Variants in ATOH8 observed in about 807,000 individuals in gnomAD.
ATOH8 encodes the protein atonal bHLH transcription factor 8.
In ATOH8, 9 loss-of-function variants were observed where a neutral mutation model predicts 21.2. The ratio of observed to expected loss-of-function variants is 0.42; its 90% CI spans 0.26 to 0.74. The LOEUF (loss-of-function observed/expected upper bound fraction) is 0.74, where lower values mean the gene tolerates loss of function less well. Ranked by LOEUF, ATOH8 falls within the 30% of genes least tolerant of loss-of-function variation. The pLI is 0.24. For missense variants in ATOH8, 524 were observed against 470.9 expected (o/e 1.11, Z -1.04); for synonymous variants, 253 against 224.0 (o/e 1.13, Z -1.16).
intron 1 of ATOH8, 67 bp from the exon 2 acceptor site, chr2:85,763,924 C>T (rs775206570): frequency 5.8e-5 from 86 of 1,489,318 alleles, no homozygotes; most frequent in South Asian, 1.7e-4. Context: ...ATAGACAGGC[C>T]GTCTCCCATG....
At chr2:85,756,979 G>T (rs1679722240) in intron 1 of ATOH8, among the ~76,000 whole-genome samples, 1 of 152,216 alleles carries the variant, frequency 6.6e-6, no homozygotes, top group Non-Finnish European at 1.5e-5. Context: ...CAAGTTCAGT[G>T]TATCTAAGTA....
At chr2:85,760,673 G>A (rs1301059336) in intron 1 of ATOH8, 2 of 152,224 alleles carry the variant, frequency 1.3e-5, no homozygotes, top group Admixed American at 6.5e-5. Flanking sequence ...GATGAATACA[G>A]ACATTGTATT....
rs368693659 is a variant in ATOH8 at position 85,754,695 on chromosome 2, C to G, written c.506C>G (p.Pro169Arg). ...PPARPAPSAP[P>R]APPAPPESTV... ...GCGCGCCCCGCGCCGTCAGCACCCC[C>G]AGCACCGCCAGCGCCCCCGGAGTCC... Residue 169 changes from proline (P) to arginine (R), a missense_variant, in exon 1 of 3, where the codon CCA becomes CGA. Pro to Arg is a moderately radical substitution (Grantham distance 103). Transcript: ENST00000306279. 94 of 1,605,616 alleles carry G rather than the reference C, an allele frequency of 5.9e-5. No individual in the cohort carries two copies. The highest frequency in any genetic ancestry group is 3.3e-4 in the Middle Eastern group (2 of 6,064).
rs997705224 is a variant in ATOH8, at chr2:85,787,062, C to T, written c.*172C>T. 14 of 776,020 alleles carry T rather than the reference C, an allele frequency of 1.8e-5. No homozygotes were observed. The highest frequency in any genetic ancestry group is 1.3e-4 in the Admixed American group (5 of 38,946). 48.1% of individuals were successfully genotyped at this position (776,020 alleles called of 1,614,324 possible). A position where few individuals can be genotyped will look rare whatever the true frequency, so the allele number is the denominator to read the frequency against. On this transcript the variant is annotated 3_prime_UTR_variant, in exon 3 of 3. Coordinates refer to ENST00000306279, the MANE Select transcript of ATOH8 (RefSeq NM_032827.7). The stretch of plus-strand genomic sequence containing the variant: ...AGCACGCCTGCCTCCCTCTCCCCTC[C>T]GCCCTCACCCAGCCAATCCGAGGCT...
At chr2:85,755,256 TG>T (rs1185573265) in intron 1 of ATOH8, among the ~76,000 whole-genome samples, 5 of 152,156 alleles carry the variant, frequency 3.3e-5, no homozygotes, top group African/African-American at 1.2e-4. Context: ...AGCGAGTATT[TG>T]CCTGCCGGAG....
Position 85,754,037 on chromosome 2 carries a change from C to T in ATOH8, c.-153C>T, listed in dbSNP as rs1328280299. The T allele has an allele frequency of 3.1e-6, 3 of 968,646 alleles. No homozygotes were observed. Among genetic ancestry groups the T allele is most frequent in the South Asian group, 4.2e-5 (2 of 47,856 alleles). The allele number at this position is 968,646 out of a possible 1,614,324, so 60.0% of individuals were successfully genotyped here. A position where few individuals can be genotyped will look rare whatever the true frequency, so the allele number is the denominator to read the frequency against. ...GGGAACGGACAGCCCGGCGGCTTCC[C>T]GAAGCCGGCGGCGCAGCTGCCCGGG... On this transcript the variant is annotated 5_prime_UTR_variant, in exon 1 of 3. Coordinates refer to ENST00000306279, the MANE Select transcript of ATOH8 (RefSeq NM_032827.7).
intron 1 of ATOH8, among the ~76,000 whole-genome samples, chr2:85,758,218 T>G (rs1444019279): frequency 1.3e-5 from 2 of 152,260 alleles, no homozygotes; most frequent in African/African-American, 2.4e-5. Context: ...ACATGCTTAC[T>G]TTGTGCCAGG....
chr2:85,781,895 ATAAAAATAAAAAT>A, intron 2 of ATOH8, among the ~76,000 whole-genome samples: 1 of 151,652 alleles, frequency 6.6e-6, no homozygotes, highest in Non-Finnish European at 1.5e-5. Flanking sequence ...TAAAAAATAA[ATAAAAATAAAAAT>A]AAAAAAGATG....
chr2:85,775,226 T>C, intron 2 of ATOH8: 1 of 985,320 alleles, frequency 1.0e-6, no homozygotes, highest in Non-Finnish European at 1.2e-6. Context: ...GTGAGCCCCT[T>C]TCTCTTTGTG....
chr2:85,755,347 G>A (rs997202297), intron 1 of ATOH8, among the ~76,000 whole-genome samples: 6 of 152,186 alleles, frequency 3.9e-5, no homozygotes, highest in African/African-American at 1.4e-4. Flanking sequence ...TCTCCAGTTG[G>A]TGGTGGCAAG....
intron 2 of ATOH8, among the ~76,000 whole-genome samples, chr2:85,770,018 G>T (rs1349134336): frequency 6.6e-6 from 1 of 152,206 alleles, no homozygotes; most frequent in Admixed American, 6.5e-5. Context: ...ACTTCTCAGG[G>T]CATTTCACAG....
Position 85,764,253 on chromosome 2 carries a change from C to A in ATOH8, c.960+71C>A, listed in dbSNP as rs972948079. The stretch of plus-strand genomic sequence containing the variant: ...AGGCAGGGACAGGAACTTGGGGGTG[C>A]CCTGCCTATGCCCAGAATTCTGAAG... On this transcript the variant is annotated intron_variant, in intron 2 of 2. Transcript: ENST00000306279. 4.4e-6 allele frequency: 7 copies of A among 1,575,794 alleles called. No individual in the cohort carries two copies. In the East Asian group the frequency reaches 6.7e-5, roughly 15 times the overall value.
intron 1 of ATOH8, among the ~76,000 whole-genome samples, chr2:85,759,328 C>A (rs1265768832): frequency 1.3e-5 from 2 of 152,176 alleles, no homozygotes; most frequent in African/African-American, 4.8e-5. Context: ...GTGACAGAGG[C>A]CTTCCTCCTG....
At chr2:85,756,829 C>T (rs1181399534) in intron 1 of ATOH8, among the ~76,000 whole-genome samples, 1 of 151,966 alleles carries the variant, frequency 6.6e-6, no homozygotes, top group Non-Finnish European at 1.5e-5. Flanking sequence ...CGTCATGTGC[C>T]ACCCCCCCAG....
rs989357722 is a variant in ATOH8, at chr2:85,785,596, C to T, written c.961-1289C>T. Among the ~76,000 whole-genome samples the T allele has an allele frequency of 6.6e-6, 1 of 152,170 alleles. No individual in the cohort carries two copies. The highest frequency in any genetic ancestry group is 1.5e-5 in the Non-Finnish European group (1 of 68,010). On this transcript the variant is annotated intron_variant, in intron 2 of 2. Transcript: ENST00000306279. The surrounding 1 kb of genome is among the most constrained non-coding windows in gnomAD (Gnocchi z 4.1). ...GGGCCTGTGGTTAGCAGGCCCTCCA[C>T]GTCGTGGTTTGGCTCCATCCTGGCT...
chr2:85,769,644 A>G (rs1364277365), intron 2 of ATOH8, among the ~76,000 whole-genome samples: 1 of 152,190 alleles, frequency 6.6e-6, no homozygotes, highest in Non-Finnish European at 1.5e-5. Context: ...GACAAGATGA[A>G]GGCATATTGG....
intron 2 of ATOH8, among the ~76,000 whole-genome samples, chr2:85,775,420 G>A (rs1558615353): frequency 6.6e-6 from 1 of 152,190 alleles, no homozygotes. Flanking sequence ...CTGTGCTCCA[G>A]TTGGGCTCAT....
rs563247579 is a variant in ATOH8 at position 85,758,651 on chromosome 2, C to T, written c.768+3694C>T. Among the ~76,000 whole-genome samples the T allele has an allele frequency of 4.6e-5, 7 of 152,364 alleles. No homozygotes were observed. The South Asian group carries it at 1.2e-3, about 27-fold the overall frequency. Reference sequence around the variant, plus strand: ...AGGAAGGGAGCAGGGAGGGTGGCTGCAGGGCCGCAGGTGGGGAGGTGCAGG... The same window carrying T: ...AGGAAGGGAGCAGGGAGGGTGGCTGTAGGGCCGCAGGTGGGGAGGTGCAGG... On this transcript the variant is annotated intron_variant, in intron 1 of 2. Transcript: ENST00000306279.
At chr2:85,769,342 G>T (rs958068885) in intron 2 of ATOH8, among the ~76,000 whole-genome samples, 1 of 152,236 alleles carries the variant, frequency 6.6e-6, no homozygotes, top group Non-Finnish European at 1.5e-5. Flanking sequence ...AGAAAGTGCT[G>T]AGTTGAGGGC....
Sources: gnomAD v4.1 joint callset for allele counts (sites outside exome capture counted in the v4.1 genomes callset) on GRCh38, gnomAD v4.1.1 for gene constraint, Gnocchi (gnomAD v3.1) non-coding constraint, MANE v1.5 for transcripts, NCBI Gene and HGNC (gene_info 2026-07-23, HGNC 2026-07-21) for gene names.